CTNS: variants seen among roughly 807,000 people sequenced by gnomAD.
CTNS encodes cystinosin.
A neutral mutation model predicts 43.7 loss-of-function variants in CTNS; 27 were observed. The ratio of observed to expected loss-of-function variants is 0.62; its 90% CI spans 0.46 to 0.85. The LOEUF is 0.85. CTNS is among the 40% of genes least tolerant of loss of function. The pLI is 0.00. For synonymous variants in CTNS, 187 were observed against 190.6 expected, an observed-to-expected ratio of 0.98 and a Z score of 0.16; for missense variants, 457 against 475.4, an observed-to-expected ratio of 0.96 and a Z score of 0.36.
rs543640096 is a variant in CTNS, at chr17:3,661,436, C to T, written c.*1067C>T. 43 of 152,904 alleles carry T rather than the reference C, an allele frequency of 2.8e-4. 1 individual carries two copies. The highest frequency in any genetic ancestry group is 8.3e-4 in the South Asian group (4 of 4,846). 9.5% of individuals were successfully genotyped at this position (152,904 alleles called of 1,614,324 possible). The stretch of plus-strand genomic sequence containing the variant: ...GGCAGGAGGGGTGGGGGTCCCAGGA[C>T]GTGCCTCATACATGACTTGAGCTTG... On this transcript the variant is annotated 3_prime_UTR_variant, in exon 12 of 12. Transcript: ENST00000046640.
chr17:3,643,893 G>A (rs190802446), intron 3 of CTNS, among the ~76,000 whole-genome samples: 23 of 152,270 alleles, frequency 1.5e-4, no homozygotes, highest in African/African-American at 4.8e-4. Context: ...TTAGCTGGGT[G>A]TGGTGGTGCA....
At chr17:3,648,448 A>T (rs1317031152) in intron 4 of CTNS, among the ~76,000 whole-genome samples, 1 of 152,106 alleles carries the variant, frequency 6.6e-6, no homozygotes, top group Non-Finnish European at 1.5e-5. Context: ...CCAAGTCCGG[A>T]CTGCTCCCTC....
Position 3,655,623 on chromosome 17 carries a change from G to A in CTNS, c.461+271G>A, listed in dbSNP as rs544030898. ...AGTTTAGTGGAGAATGGGCGGGGGA[G>A]GGAGGGCAGTCCATCGTGAATCTCC... On this transcript the variant is annotated intron_variant, in intron 7 of 11. Transcript: ENST00000046640. 1.4e-4 allele frequency: 66 copies of A among 457,772 alleles called. 1 individual carries two copies. The East Asian group carries it at 2.6e-3, about 18-fold the overall frequency. 28.4% of individuals were successfully genotyped at this position (457,772 alleles called of 1,614,324 possible).
chr17:3,642,440 C>T (rs1459109164), intron 3 of CTNS, among the ~76,000 whole-genome samples: 1 of 152,178 alleles, frequency 6.6e-6, no homozygotes, highest in Non-Finnish European at 1.5e-5. Context: ...GTAATCCCAG[C>T]ACTTTGGGAG....
At chr17:3,652,776 AAAT>A (rs1175187068) in intron 5 of CTNS, among the ~76,000 whole-genome samples, 1 of 151,644 alleles carries the variant, frequency 6.6e-6, no homozygotes, top group Admixed American at 6.6e-5. Flanking sequence ...TATCTGTTAA[AAAT>A]AAGAAAAAGT....
intron 5 of CTNS, among the ~76,000 whole-genome samples, chr17:3,652,895 C>A (rs943769466): frequency 6.6e-6 from 1 of 152,176 alleles, no homozygotes; most frequent in Non-Finnish European, 1.5e-5. Flanking sequence ...GCCGCTATAC[C>A]ATTTCAGTTG....
intron 2 of CTNS, among the ~76,000 whole-genome samples, chr17:3,637,961 G>GTTC: frequency 6.6e-6 from 1 of 152,306 alleles, no homozygotes; most frequent in East Asian, 1.9e-4. Context: ...GACCCAGGGA[G>GTTC]TTCCAGGTCG....
chr17:3,662,832 C>G lies in CTNS; in HGVS notation c.*2463C>G, dbSNP rs1236680054. 6.6e-6 allele frequency: 1 copy of G among 152,148 alleles called. No homozygotes were observed. The highest frequency in any genetic ancestry group is 2.4e-5 in the African/African-American group (1 of 41,418). 9.4% of individuals were successfully genotyped at this position (152,148 alleles called of 1,614,324 possible). ...GCCATCATTAAAACCACAGCTCTGG[C>G]CCCAATATCCCACCGCCACCCCCAC... On this transcript the variant is annotated 3_prime_UTR_variant, in exon 12 of 12. Transcript: ENST00000046640.
At chr17:3,646,292 C>CTTTT (rs35737682) in intron 3 of CTNS, among the ~76,000 whole-genome samples, 23 of 137,212 alleles carry the variant, frequency 1.7e-4, no homozygotes, top group Non-Finnish European at 2.8e-4. Context: ...GGTTTTCTTT[C>CTTTT]TTTTTTTTTT....
In CTNS at chr17:3,661,713, G is replaced by A. The variant is rs534420037; in HGVS notation, c.*1344G>A. Among the ~76,000 whole-genome samples, 6 of 152,306 alleles carry A rather than the reference G, an allele frequency of 3.9e-5. No homozygotes were observed. Among genetic ancestry groups the A allele is most frequent in the African/African-American group, 4.8e-5 (2 of 41,554 alleles). ...CTTGGGTAGCGCGAGACGCCTACCC[G>A]CCCAGGGCCAGGTCAGTCTCCCAGG... On this transcript the variant is annotated 3_prime_UTR_variant, in exon 12 of 12. Coordinates refer to ENST00000046640, the MANE Select transcript of CTNS (RefSeq NM_004937.3).
In CTNS at chr17:3,662,365, GGTA is replaced by G. The variant is rs1400791977; in HGVS notation, c.*1998_*2000del. On this transcript the variant is annotated 3_prime_UTR_variant, in exon 12 of 12. Transcript: ENST00000046640. The stretch of plus-strand genomic sequence containing the variant: ...TTTAAAATCTGATTTGGCAGTGCTA[GGTA>G]GGTCCAGGAGTGCTAACACCTTCCC... 4.6e-5 allele frequency among the ~76,000 whole-genome samples: 7 copies of G among 152,214 alleles called. No individual in the cohort carries two copies. The highest frequency in any genetic ancestry group is 1.7e-4 in the African/African-American group (7 of 41,510).
chr17:3,657,403 T>G (rs1286846822), intron 9 of CTNS, among the ~76,000 whole-genome samples: 1 of 152,212 alleles, frequency 6.6e-6, no homozygotes, highest in African/African-American at 2.4e-5. Flanking sequence ...ACCCCTGATA[T>G]GACAGCTTTG....
chr17:3,650,139 T>C, intron 5 of CTNS: 1 of 1,548,280 alleles, frequency 6.5e-7, no homozygotes, highest in Non-Finnish European at 8.7e-7. Flanking sequence ...TGCAAATATA[T>C]ACACTTTTTA....
chr17:3,647,892 T>C (rs1245844785), intron 4 of CTNS, among the ~76,000 whole-genome samples: 2 of 152,234 alleles, frequency 1.3e-5, no homozygotes, highest in African/African-American at 4.8e-5. Context: ...GGAGCTGAGC[T>C]GCTGGTTGGC....
rs200217711 is a variant in CTNS at position 3,660,743 on chromosome 17, C to T, written c.*374C>T. The T allele has an allele frequency of 9.3e-6, 15 of 1,613,328 alleles. No homozygotes were observed. Among genetic ancestry groups the T allele is most frequent in the Non-Finnish European group, 1.1e-5 (13 of 1,180,014 alleles). ...GCAGCTTGAAGGGCTGACCTTGCAG[C>T]CGGGTGAGCCAAGGGCACTTTGCTG... On this transcript the variant is annotated 3_prime_UTR_variant, in exon 12 of 12. Coordinates refer to ENST00000046640, the MANE Select transcript of CTNS (RefSeq NM_004937.3).
In CTNS at chr17:3,660,867, GCT is replaced by G. The variant is rs2142984526; in HGVS notation, c.*501_*502del. 7.2e-7 allele frequency: 1 copy of G among 1,392,402 alleles called. No homozygotes were observed. The highest frequency in any genetic ancestry group is 2.5e-5 in the East Asian group (1 of 40,174). The allele number at this position is 1,392,402 out of a possible 1,614,324, so 86.3% of individuals were successfully genotyped here. Reference sequence around the variant, plus strand: ...TAGGACTTTGGGGTTAGGCCATGGGGCTCTTTCTCTGAAGGCCACTTTCCTGA... The same window carrying G: ...TAGGACTTTGGGGTTAGGCCATGGGGCTTTCTCTGAAGGCCACTTTCCTGA... On this transcript the variant is annotated 3_prime_UTR_variant, in exon 12 of 12. Transcript: ENST00000046640.
intron 3 of CTNS, among the ~76,000 whole-genome samples, chr17:3,646,673 G>A (rs995387821): frequency 6.6e-6 from 1 of 152,258 alleles, no homozygotes; most frequent in Admixed American, 6.5e-5. Context: ...CTGGGCTCAA[G>A]CAGTCCTCCC....
At chr17:3,645,205 G>T (rs538688031) in intron 3 of CTNS, among the ~76,000 whole-genome samples, 16 of 152,216 alleles carry the variant, frequency 1.1e-4, no homozygotes, top group Admixed American at 4.6e-4. Flanking sequence ...TCGCCACAGC[G>T]GCTTCCAGGC....
At chr17:3,652,350 G>A (rs1028103553) in intron 5 of CTNS, among the ~76,000 whole-genome samples, 20 of 152,152 alleles carry the variant, frequency 1.3e-4, no homozygotes, top group Middle Eastern at 3.2e-3. Context: ...CCAGCACTTC[G>A]GGAGGCCGAG....
Sources: allele counts gnomAD v4.1 joint callset (sites outside exome capture counted in the v4.1 genomes callset), GRCh38; gene constraint gnomAD v4.1.1; transcripts MANE v1.5; gene names NCBI Gene and HGNC (gene_info 2026-07-23, HGNC 2026-07-21).